Variants in UGT1A5 observed in about 807,000 individuals in gnomAD.
UGT1A5 encodes UDP glucuronosyltransferase family 1 member A5, also known as UDP-glucuronosyltransferase 1A5.
In UGT1A5, 29 loss-of-function variants were observed where a neutral mutation model predicts 40.3. The observed-to-expected ratio is 0.72, with a 90% CI of 0.54 to 0.98. UGT1A5 has a LOEUF of 0.98. UGT1A5 is among the 50% of genes least tolerant of loss of function. The pLI is 0.00. For synonymous variants in UGT1A5, 257 were observed against 262.5 expected (o/e 0.98, Z 0.20); for missense variants, 678 against 677.9 (o/e 1.00, Z 0.00).
chr2:233,747,722 G>T (rs554726929), intron 1 of UGT1A5: 13 of 1,612,764 alleles, frequency 8.1e-6, no homozygotes, highest in South Asian at 3.3e-5. Context: ...TTCCTGCTGT[G>T]TTTTTTTTGA....
At chr2:233,755,256 T>C in intron 1 of UGT1A5, 1 of 820,386 alleles carries the variant, frequency 1.2e-6, no homozygotes, top group Non-Finnish European at 1.8e-6. Context: ...CAGCACCTCG[T>C]AGTAGTCCAC....
At chr2:233,757,535 A>AATATATATACATATACATACATATATAT (rs376887521) in intron 1 of UGT1A5, among the ~76,000 whole-genome samples, 2 of 88,312 alleles carry the variant, frequency 2.3e-5, no homozygotes, top group African/African-American at 1.0e-4. Context: ...GCCTGTAAGG[A>AATATATATACATATACATACATATATAT]ATATATATAT....
chr2:233,721,923 T>C (rs1336715590), intron 1 of UGT1A5: 2 of 399,724 alleles, frequency 5.0e-6, no homozygotes, highest in Non-Finnish European at 5.0e-6. Flanking sequence ...TTCCATAAAG[T>C]GACATCCTTC....
chr2:233,762,461 T>G (rs1698085001), intron 1 of UGT1A5, among the ~76,000 whole-genome samples: 1 of 152,214 alleles, frequency 6.6e-6, no homozygotes, highest in African/African-American at 2.4e-5. Flanking sequence ...TTACCGATAA[T>G]GTCATGGATA....
At chr2:233,754,989 C>T (rs749655557) in intron 1 of UGT1A5, 7 of 1,296,678 alleles carry the variant, frequency 5.4e-6, no homozygotes, top group Admixed American at 1.9e-5. Context: ...GGCGGGGTCA[C>T]GGAAGCTGAA....
chr2:233,753,309 CCT>C (rs1299890388), intron 1 of UGT1A5: 3 of 152,212 alleles, frequency 2.0e-5, no homozygotes, highest in African/African-American at 7.2e-5. Context: ...CCCGTGTGCC[CCT>C]GTGGGATGGT....
intron 1 of UGT1A5, chr2:233,729,594 C>G (rs1443112600): frequency 1.2e-6 from 2 of 1,613,988 alleles, no homozygotes; most frequent in African/African-American, 2.7e-5. Flanking sequence ...CCGTTAACCT[C>G]TGCGCGGCAG....
chr2:233,751,050 G>A (rs1201577547), intron 1 of UGT1A5, among the ~76,000 whole-genome samples: 3 of 151,910 alleles, frequency 2.0e-5, no homozygotes, highest in Admixed American at 2.0e-4. Context: ...GCCTGGAAAA[G>A]ACACAGACAC....
intron 1 of UGT1A5, among the ~76,000 whole-genome samples, chr2:233,737,657 C>T (rs962486142): frequency 2.6e-5 from 4 of 152,206 alleles, no homozygotes; most frequent in African/African-American, 9.6e-5. Context: ...CTGGGAGCTG[C>T]AGATCGGAGC....
In UGT1A5 at chr2:233,713,868, G is replaced by C. The variant is rs374502010; in HGVS notation, c.867+10G>C. ...GAAGCCACTATCTCAGGTCTGTATT[G>C]GTGCCTTTATCCAATCAATGTTCCA... On this transcript the variant is annotated intron_variant, in intron 1 of 4. Coordinates refer to ENST00000373414, the MANE Select transcript of UGT1A5 (RefSeq NM_019078.2). 94 of 1,613,748 alleles carry C rather than the reference G, an allele frequency of 5.8e-5. No individual in the cohort carries two copies. The African/African-American group carries it at 1.1e-3, about 20-fold the overall frequency.
chr2:233,756,399 T>G (rs189386635), intron 1 of UGT1A5: 1 of 152,208 alleles, frequency 6.6e-6, no homozygotes. Flanking sequence ...CAGTATTGGT[T>G]TTTTATTTGT....
chr2:233,716,299 G>A (rs2076496695), intron 1 of UGT1A5, among the ~76,000 whole-genome samples: 2 of 152,196 alleles, frequency 1.3e-5, no homozygotes, highest in South Asian at 4.1e-4. Context: ...CATCTATAAA[G>A]TCTCTTCCAC....
At chr2:233,748,529 G>A (rs1353260497) in intron 1 of UGT1A5, among the ~76,000 whole-genome samples, 1 of 151,782 alleles carries the variant, frequency 6.6e-6, no homozygotes, top group Non-Finnish European at 1.5e-5. Context: ...ATGATAGAGA[G>A]GTGACCACAG....
At chr2:233,739,657 C>G (rs772609637) in intron 1 of UGT1A5, among the ~76,000 whole-genome samples, 2 of 152,202 alleles carry the variant, frequency 1.3e-5, no homozygotes, top group Non-Finnish European at 2.9e-5. Flanking sequence ...TTCTGTACCC[C>G]CATTGTGTCT....
chr2:233,718,448 A>C (rs1195821608), intron 1 of UGT1A5, among the ~76,000 whole-genome samples: 1 of 152,148 alleles, frequency 6.6e-6, no homozygotes, highest in Admixed American at 6.5e-5. Flanking sequence ...GGCAATGGTG[A>C]CTCCTCAGAC....
At chr2:233,754,790 T>C (rs1308374413) in intron 1 of UGT1A5, 13 of 1,196,884 alleles carry the variant, frequency 1.1e-5, no homozygotes, top group Non-Finnish European at 1.4e-5. Context: ...AGGAACGAAA[T>C]CCTGTATCAA....
In UGT1A5 at chr2:233,723,536, T is replaced by TTTTA. The variant is rs1553611580; in HGVS notation, c.867+9678_867+9679insTTTA. The stretch of plus-strand genomic sequence containing the variant: ...ACAATCTTTTTTTTTTTTTTTTTTT[T>TTTTA]AATTTATTTTTTTATTGATAATTCT... On this transcript the variant is annotated intron_variant, in intron 1 of 4. Transcript: ENST00000373414. 3.3e-5 allele frequency among the ~76,000 whole-genome samples: 4 copies of TTTTA among 121,446 alleles called. 1 individual carries two copies. Among genetic ancestry groups the TTTTA allele is most frequent in the Admixed American group, 1.7e-4 (2 of 11,926 alleles). 79.7% of individuals were successfully genotyped at this position (121,446 alleles called of 152,430 possible). A position where few individuals can be genotyped will look rare whatever the true frequency, so the allele number is the denominator to read the frequency against.
At position 233,768,309 on chromosome 2, in the gene UGT1A5, C is replaced by T. The variant is rs1286993592; in HGVS notation, c.1177C>T (p.Pro393Ser). 15 of 1,614,122 alleles carry T rather than the reference C, an allele frequency of 9.3e-6. No homozygotes were observed. The highest frequency in any genetic ancestry group is 1.3e-5 in the Non-Finnish European group (15 of 1,180,034). Reference protein sequence around the residue: ...ICNGVPMVMMPLFGDQMDNAK... With the variant: ...ICNGVPMVMMSLFGDQMDNAK... ...CAATGGCGTTCCCATGGTGATGATG[C>T]CCTTGTTTGGTGATCAGATGGACAA... Residue 393 changes from proline to serine, a missense_variant, in exon 4 of 5, where the codon CCC becomes TCC. Physicochemically the swap from Pro to Ser is moderately conservative, Grantham distance 74 (BLOSUM62 -1). Coordinates refer to ENST00000373414, the MANE Select transcript of UGT1A5 (RefSeq NM_019078.2).
rs542881943 is a variant in UGT1A5, at chr2:233,729,093, G to A, written c.867+15235G>A. 7.1e-5 allele frequency: 115 copies of A among 1,612,640 alleles called. 3 individuals carry two copies. In the South Asian group the frequency reaches 1.2e-3, roughly 17 times the overall value. ...AGCAAATGTAGCAGGCACAGCGTGGGGTGGACAGTCAGCTGTCCGTGTCTT... is the reference window on the plus strand; with the variant it reads ...AGCAAATGTAGCAGGCACAGCGTGGAGTGGACAGTCAGCTGTCCGTGTCTT... On this transcript the variant is annotated intron_variant, in intron 1 of 4. Transcript: ENST00000373414.
Sources: gnomAD v4.1 joint callset for allele counts (sites outside exome capture counted in the v4.1 genomes callset) on GRCh38, gnomAD v4.1.1 for gene constraint, MANE v1.5 for transcripts, NCBI Gene and HGNC (gene_info 2026-07-23, HGNC 2026-07-21) for gene names.